ABHD5: variants seen among roughly 807,000 people sequenced by gnomAD.
The protein encoded by ABHD5 is abhydrolase domain containing 5, lysophosphatidic acid acyltransferase.
In ABHD5, 30 loss-of-function variants were observed where a neutral mutation model predicts 44.9. That is an observed-to-expected ratio of 0.67 (90% CI 0.50 to 0.91). The LOEUF (loss-of-function observed/expected upper bound fraction) is 0.91, where lower values mean the gene tolerates loss of function less well. Among genes scored for constraint, ABHD5 ranks in the 40% least tolerant of loss-of-function variants. The pLI, the probability that ABHD5 is intolerant of heterozygous loss-of-function variation, is 0.00. For synonymous variants in ABHD5, 167 were observed against 147.0 expected, an observed-to-expected ratio of 1.14 and a Z score of -0.99; for missense variants, 399 against 423.4, an observed-to-expected ratio of 0.94 and a Z score of 0.50.
At chr3:43,692,900 A>G (rs749561889) in intron 1 of ABHD5, among the ~76,000 whole-genome samples, 5 of 152,166 alleles carry the variant, frequency 3.3e-5, no homozygotes, top group Admixed American at 6.5e-5. Flanking sequence ...TGAGGTTTAG[A>G]TAGGGAGATA....
At chr3:43,714,424 C>T (rs899439361) in intron 4 of ABHD5, among the ~76,000 whole-genome samples, 3 of 152,160 alleles carry the variant, frequency 2.0e-5, no homozygotes, top group Non-Finnish European at 2.9e-5. Context: ...TGAGCCATCA[C>T]GCCTGGGTGT....
chr3:43,691,163 C>T (rs1014125991), intron 1 of ABHD5, 124 bp downstream of exon 1: 1 of 973,370 alleles, frequency 1.0e-6, no homozygotes, highest in African/African-American at 1.7e-5. Flanking sequence ...GCGGCTTCCT[C>T]GACCCTCCCC....
intron 2 of ABHD5, chr3:43,701,937 T>G: frequency 3.0e-6 from 1 of 338,438 alleles, no homozygotes; most frequent in East Asian, 5.6e-5. Context: ...ATTTGACAGA[T>G]GTGGAAAGAA....
At chr3:43,713,595 G>A (rs2084717406) in intron 4 of ABHD5, among the ~76,000 whole-genome samples, 1 of 152,024 alleles carries the variant, frequency 6.6e-6, no homozygotes, top group Admixed American at 6.6e-5. Flanking sequence ...CTCACAGATG[G>A]CACATTTTGC....
downstream of ABHD5, among the ~76,000 whole-genome samples, chr3:43,723,937 G>A (rs574666440): frequency 1.3e-5 from 2 of 152,098 alleles, no homozygotes; most frequent in Admixed American, 1.3e-4. Flanking sequence ...TTTTTTAAAA[G>A]CCCTTACCTT....
rs1214453946 is a variant in ABHD5, at chr3:43,719,879, G to A, written c.*1347G>A. ...TAAAAACAGTGAACTAGAGCAAATA[G>A]TGGTTTAATGGTTTTGTTATTGCAT... is the stretch of plus-strand genomic sequence containing the variant. On this transcript the variant is annotated 3_prime_UTR_variant, in exon 7 of 7. Transcript: ENST00000644371. The A allele has an allele frequency of 8.3e-6, 1 of 120,080 alleles. No individual in the cohort carries two copies. Among genetic ancestry groups the A allele is most frequent in the East Asian group, 1.9e-4 (1 of 5,196 alleles). The allele number at this position is 120,080 out of a possible 1,614,324, so 7.4% of individuals were successfully genotyped here.
chr3:43,690,919 C>T, upstream of ABHD5: 1 of 1,485,770 alleles, frequency 6.7e-7, no homozygotes, highest in Non-Finnish European at 8.9e-7. Context: ...TTAAGTGCCG[C>T]GCCAGCCCGG....
Position 43,702,395 on chromosome 3 carries a change from A to G in ABHD5, c.314A>G (p.Tyr105Cys), listed in dbSNP as rs1000849111. Residue 105 changes from tyrosine to cysteine, a missense_variant, in exon 3 of 7, where the codon TAT (tyrosine) becomes TGT (cysteine). Tyr to Cys is a radical substitution (Grantham distance 194). Transcript: ENST00000644371. Reference protein sequence around the residue: ...FGDLCTNRPVYAFDLLGFGRS... With the variant: ...FGDLCTNRPVCAFDLLGFGRS... Reference sequence around the variant, plus strand: ...GATCTTTGCACCAACAGACCTGTCTATGCTTTTGACCTATTGGGTTTTGGA... The same window carrying G: ...GATCTTTGCACCAACAGACCTGTCTGTGCTTTTGACCTATTGGGTTTTGGA... 6.8e-6 allele frequency: 11 copies of G among 1,614,086 alleles called. No individual in the cohort carries two copies. Among genetic ancestry groups the G allele is most frequent in the African/African-American group, 1.3e-5 (1 of 74,946 alleles).
In ABHD5 at chr3:43,718,730, C is replaced by T; in HGVS notation, c.*198C>T. ...TTCTAGAAGAATGGCTTTCCTTTCTCCTACACAAAATTGAAATATACAAGT... is the reference window on the plus strand; with the variant it reads ...TTCTAGAAGAATGGCTTTCCTTTCTTCTACACAAAATTGAAATATACAAGT... On this transcript the variant is annotated 3_prime_UTR_variant, in exon 7 of 7. Coordinates refer to ENST00000644371, the MANE Select transcript of ABHD5 (RefSeq NM_016006.6). 3.4e-6 allele frequency: 2 copies of T among 582,946 alleles called. No homozygotes were observed. The highest frequency in any genetic ancestry group is 6.2e-6 in the Non-Finnish European group (2 of 324,172). The allele number at this position is 582,946 out of a possible 1,614,324, so 36.1% of individuals were successfully genotyped here.
intron 3 of ABHD5, among the ~76,000 whole-genome samples, chr3:43,704,830 A>G (rs2084594848): frequency 6.6e-6 from 1 of 152,260 alleles, no homozygotes; most frequent in Non-Finnish European, 1.5e-5. Context: ...AAACTAGAGT[A>G]CTGTCTCAGG....
intron 3 of ABHD5, among the ~76,000 whole-genome samples, chr3:43,704,033 CTTTTTTTTT>C (rs10544525): frequency 1.5e-4 from 13 of 84,860 alleles, no homozygotes; most frequent in Admixed American, 1.5e-3. Context: ...TCTTTATTTT[CTTTTTTTTT>C]TTTTTTTTTT....
chr3:43,703,051 T>C (rs1405594776), intron 3 of ABHD5, among the ~76,000 whole-genome samples: 1 of 152,190 alleles, frequency 6.6e-6, no homozygotes, highest in African/African-American at 2.4e-5. Context: ...ACCTAAACTA[T>C]AGAAAATACA....
intron 7 of ABHD5, among the ~76,000 whole-genome samples, chr3:43,730,824 T>TTTTG (rs543456119): frequency 8.2e-5 from 12 of 146,786 alleles, no homozygotes; most frequent in East Asian, 4.2e-4. Flanking sequence ...TTGTTTGTTT[T>TTTTG]TTTGTTTGTT....
At chr3:43,695,453 C>T (rs1447711833) in intron 1 of ABHD5, among the ~76,000 whole-genome samples, 1 of 152,110 alleles carries the variant, frequency 6.6e-6, no homozygotes, top group African/African-American at 2.4e-5. Context: ...TCTCTCTCAA[C>T]TACTAGAATA....
rs1248993313 is a variant in ABHD5 at position 43,714,877 on chromosome 3, T to G, written c.662-70T>G. 6 of 1,094,716 alleles carry G rather than the reference T, an allele frequency of 5.5e-6. No individual in the cohort carries two copies. The East Asian group carries it at 1.5e-4, about 28-fold the overall frequency. 67.8% of individuals were successfully genotyped at this position (1,094,716 alleles called of 1,614,324 possible). A position where few individuals can be genotyped will look rare whatever the true frequency, so the allele number is the denominator to read the frequency against. On this transcript the variant is annotated intron_variant, in intron 4 of 6. Coordinates refer to ENST00000644371, the MANE Select transcript of ABHD5 (RefSeq NM_016006.6). ...CATTACACAGACAAGCACTAAAACT[T>G]TCTATATTATTTAGTTGATAAGTTA...
At chr3:43,725,865 T>G (rs1193341693), downstream of ABHD5, among the ~76,000 whole-genome samples, 1 of 151,898 alleles carries the variant, frequency 6.6e-6, no homozygotes, top group Non-Finnish European at 1.5e-5. Flanking sequence ...TTTTTGTTTT[T>G]TTGTTTTTTT....
At chr3:43,723,585 A>G (rs1193236277), downstream of ABHD5, among the ~76,000 whole-genome samples, 2 of 152,216 alleles carry the variant, frequency 1.3e-5, no homozygotes, top group Non-Finnish European at 2.9e-5. Flanking sequence ...ATTATGATGA[A>G]TTACTGCCTA....
chr3:43,699,465 T>G, intron 2 of ABHD5, 104 bp downstream of exon 2: 1 of 1,122,832 alleles, frequency 8.9e-7, no homozygotes, highest in Non-Finnish European at 1.3e-6. Flanking sequence ...GTGTTCATTG[T>G]TGGCAAAATA....
At chr3:43,708,365 A>T (rs1421668473) in intron 3 of ABHD5, among the ~76,000 whole-genome samples, 1 of 152,204 alleles carries the variant, frequency 6.6e-6, no homozygotes, top group Non-Finnish European at 1.5e-5. Flanking sequence ...TTAGCTAATT[A>T]TAATAATTTA....
Sources: allele counts gnomAD v4.1 joint callset (sites outside exome capture counted in the v4.1 genomes callset), GRCh38; gene constraint gnomAD v4.1.1; transcripts MANE v1.5; gene names NCBI Gene and HGNC (gene_info 2026-07-23, HGNC 2026-07-21).